ACOX2: variants seen among roughly 807,000 people sequenced by gnomAD.
ACOX2 encodes the protein peroxisomal acyl-coenzyme A oxidase 2.
Under a neutral mutation model 77.5 loss-of-function variants are expected in ACOX2, and 59 were observed. That is an observed-to-expected ratio of 0.76 (90% CI 0.62 to 0.95). ACOX2 has a LOEUF of 0.95. Among genes scored for constraint, ACOX2 ranks in the 40% least tolerant of loss-of-function variants. The pLI is 0.00. For synonymous variants in ACOX2, 317 were observed against 340.1 expected (o/e 0.93, Z 0.75); for missense variants, 837 against 880.4 (o/e 0.95, Z 0.62).
rs1247552034 is a variant in ACOX2 at position 58,535,038 on chromosome 3, C to T, written c.69G>A (p.Glu23=). 3 of 1,614,116 alleles carry T rather than the reference C, an allele frequency of 1.9e-6. No individual in the cohort carries two copies. The highest frequency in any genetic ancestry group is 3.3e-5 in the Admixed American group (2 of 60,008). The change falls in exon 2 of 15, where the codon GAG becomes GAA. Residue 23 remains glutamate (E), a synonymous_variant. Transcript: ENST00000302819. The surrounding 1 kb of genome is among the most constrained non-coding windows in gnomAD (Gnocchi z 4.8). ...CAAAGGACTGCATATACCTCTCGCT[C>T]TCTATGTCGGGGTGCATTTGCCTGC... ...TWSRQMHPDI[E]SERYMQSFDV... is the part of the protein sequence containing the mutation.
At chr3:58,527,389 A>T (rs2108004832) in intron 9 of ACOX2, among the ~76,000 whole-genome samples, 1 of 152,110 alleles carries the variant, frequency 6.6e-6, no homozygotes, top group Admixed American at 6.5e-5. Context: ...TACAAAAATT[A>T]GCTGGGCGTG....
rs937436499 is a variant in ACOX2, at chr3:58,514,907, T to A, written c.1850+2299A>T. Among the ~76,000 whole-genome samples, 5 of 152,262 alleles carry A rather than the reference T, an allele frequency of 3.3e-5. No individual in the cohort carries two copies. The highest frequency in any genetic ancestry group is 7.3e-5 in the Non-Finnish European group (5 of 68,044). On this transcript the variant is annotated intron_variant, in intron 13 of 14. Coordinates refer to ENST00000302819, the MANE Select transcript of ACOX2 (RefSeq NM_003500.4). This position sits in a 1 kb window ranked among gnomAD's most constrained non-coding sequence, Gnocchi z 4.3. The stretch of plus-strand genomic sequence containing the variant: ...CCTTGGGCTTGAACTGTGCAGTACT[T>A]AATTATGCTCTTAATAGTTTTCACC...
Position 58,519,427 on chromosome 3 carries a change from G to A in ACOX2, c.1633-2004C>T, listed in dbSNP as rs1179877452. On this transcript the variant is annotated intron_variant, in intron 12 of 14. Transcript: ENST00000302819. This position sits in a 1 kb window ranked among gnomAD's most constrained non-coding sequence, Gnocchi z 5.0. ...TTGGGGGTTCAAAGGAGTTCACCCAGGCGGACATGAGTTGGGGGAAAGGTC... is the reference window on the plus strand; with the variant it reads ...TTGGGGGTTCAAAGGAGTTCACCCAAGCGGACATGAGTTGGGGGAAAGGTC... Among the ~76,000 whole-genome samples the A allele has an allele frequency of 6.6e-6, 1 of 152,104 alleles. No homozygotes were observed. The highest frequency in any genetic ancestry group is 2.4e-5 in the African/African-American group (1 of 41,408).
Position 58,534,414 on chromosome 3 carries a change from A to G in ACOX2, c.269T>C (p.Ile90Thr), listed in dbSNP as rs148039928. The change falls in exon 3 of 15, where the codon ATA becomes ACA. Residue 90 changes from isoleucine (I) to threonine (T), a missense_variant. Transcript: ENST00000302819. The surrounding 1 kb of genome is among the most constrained non-coding windows in gnomAD (Gnocchi z 4.8). Reference protein sequence around the residue: ...AMRRAFHIRLIARRLGWLEDG... With the variant: ...AMRRAFHIRLTARRLGWLEDG... ...TTCTAACCAACCCAGGCGCCGAGCT[A>G]TCAACCGGATGTGGAATGCCCTCCG... 33 of 1,614,078 alleles carry G rather than the reference A, an allele frequency of 2.0e-5. No individual in the cohort carries two copies. Among genetic ancestry groups the G allele is most frequent in the Non-Finnish European group, 1.3e-5 (15 of 1,180,040 alleles).
chr3:58,524,366 C>G lies in ACOX2; in HGVS notation c.1526+60G>C. ...ATGTCCACCCAACCAATCCAAAGGC[C>G]CTAGTGTGGCATGGAGCCTGTGCCC... is the stretch of plus-strand genomic sequence containing the variant. On this transcript the variant is annotated intron_variant, in intron 11 of 14. Coordinates refer to ENST00000302819, the MANE Select transcript of ACOX2 (RefSeq NM_003500.4). The surrounding 1 kb of genome is among the most constrained non-coding windows in gnomAD (Gnocchi z 5.5). 1 of 1,574,748 alleles carries G rather than the reference C, an allele frequency of 6.4e-7. No individual in the cohort carries two copies. The highest frequency in any genetic ancestry group is 2.3e-5 in the East Asian group (1 of 44,228).
At position 58,514,333 on chromosome 3, in the gene ACOX2, G is replaced by A. The variant is rs879277657; in HGVS notation, c.1850+2873C>T. On this transcript the variant is annotated intron_variant, in intron 13 of 14. Coordinates refer to ENST00000302819, the MANE Select transcript of ACOX2 (RefSeq NM_003500.4). The surrounding 1 kb of genome is among the most constrained non-coding windows in gnomAD (Gnocchi z 4.3). Reference sequence around the variant, plus strand: ...CAGTCCATTCACTGATGTTTTAGTAGGGTTTCGGGAAAGAACAGAAGTAAA... The same window carrying A: ...CAGTCCATTCACTGATGTTTTAGTAAGGTTTCGGGAAAGAACAGAAGTAAA... Among the ~76,000 whole-genome samples, 12 of 152,132 alleles carry A rather than the reference G, an allele frequency of 7.9e-5. No individual in the cohort carries two copies. Among genetic ancestry groups the A allele is most frequent in the Non-Finnish European group, 1.5e-4 (10 of 68,038 alleles).
At chr3:58,509,759 C>T (rs1281796827) in intron 13 of ACOX2, among the ~76,000 whole-genome samples, 1 of 151,566 alleles carries the variant, frequency 6.6e-6, no homozygotes, top group Non-Finnish European at 1.5e-5. Flanking sequence ...GCGCCTGCCA[C>T]CATGCCTGGC....
chr3:58,523,440 C>T lies in ACOX2; in HGVS notation c.1527-839G>A, dbSNP rs1213441953. On this transcript the variant is annotated intron_variant, in intron 11 of 14. Transcript: ENST00000302819. This position sits in a 1 kb window ranked among gnomAD's most constrained non-coding sequence, Gnocchi z 5.3. ...AGAACAGTGCCTGCCATATTATAGG[C>T]AGTTAATAAATATTTTTGGAATAAA... 6.6e-6 allele frequency among the ~76,000 whole-genome samples: 1 copy of T among 152,154 alleles called. No individual in the cohort carries two copies. The highest frequency in any genetic ancestry group is 1.9e-4 in the East Asian group (1 of 5,194).
rs1434354208 is a variant in ACOX2 at position 58,530,495 on chromosome 3, G to A, written c.963C>T (p.Val321=). The part of the protein sequence containing the change: ...KACVIAMRYS[V]IRRQSRLRPS... ...GCCGGAGCCGGGATTGGCGGCGGAT[G>A]ACCGAGTAGCGCATGGCGATGACAC... Residue 321 remains valine (V), a synonymous_variant, in exon 8 of 15, where the codon GTC becomes GTT. Transcript: ENST00000302819. 6.2e-7 allele frequency: 1 copy of A among 1,614,054 alleles called. No individual in the cohort carries two copies. The highest frequency in any genetic ancestry group is 2.2e-5 in the East Asian group (1 of 44,898).
rs1439765713 is a variant in ACOX2, at chr3:58,524,606, C to T, written c.1347-1G>A. 1 of 1,613,574 alleles carries T rather than the reference C, an allele frequency of 6.2e-7. No individual in the cohort carries two copies. Among genetic ancestry groups the T allele is most frequent in the Non-Finnish European group, 8.5e-7 (1 of 1,179,950 alleles). On this transcript the variant is annotated splice_acceptor_variant, in intron 10 of 14. Coordinates refer to ENST00000302819, the MANE Select transcript of ACOX2 (RefSeq NM_003500.4). LOFTEE classifies it high-confidence loss of function. The surrounding 1 kb of genome is among the most constrained non-coding windows in gnomAD (Gnocchi z 5.5). The stretch of plus-strand genomic sequence containing the variant: ...CTGCAGGTAGCTCTTCACCAGGAAC[C>T]TGGGGGTTGGAAGAGGAGGCAGGTG...
rs192579853 is a variant in ACOX2, at chr3:58,521,654, C to A, written c.1632+842G>T. ...CTAGAATGAAACTGATCACTTTACCCCACCTCCAAACAAACTCAGCAAAGG... is the reference window on the plus strand; with the variant it reads ...CTAGAATGAAACTGATCACTTTACCACACCTCCAAACAAACTCAGCAAAGG... On this transcript the variant is annotated intron_variant, in intron 12 of 14. Coordinates refer to ENST00000302819, the MANE Select transcript of ACOX2 (RefSeq NM_003500.4). This position sits in a 1 kb window ranked among gnomAD's most constrained non-coding sequence, Gnocchi z 4.8. Among the ~76,000 whole-genome samples the A allele has an allele frequency of 1.3e-5, 2 of 152,332 alleles. No homozygotes were observed. The highest frequency in any genetic ancestry group is 3.9e-4 in the East Asian group (2 of 5,188).
In ACOX2 at chr3:58,529,164, T is replaced by C. The variant is rs2063418732; in HGVS notation, c.993-208A>G. ...ACTGCAGGAATACTGACACATTTGT[T>C]GGTGGGTACTGCCCCTTGTTAAGGG... On this transcript the variant is annotated intron_variant, in intron 8 of 14. Transcript: ENST00000302819. The C allele has an allele frequency of 8.4e-6, 4 of 475,894 alleles. No individual in the cohort carries two copies. In the East Asian group the frequency reaches 1.4e-4, roughly 17 times the overall value. 29.5% of individuals were successfully genotyped at this position (475,894 alleles called of 1,614,324 possible).
chr3:58,534,151 G>A lies in ACOX2; in HGVS notation c.324-6C>T. On this transcript the variant is annotated splice_region_variant and splice_polypyrimidine_tract_variant and intron_variant, in intron 3 of 14. Transcript: ENST00000302819. The surrounding 1 kb of genome is among the most constrained non-coding windows in gnomAD (Gnocchi z 4.8). ...CCACGTCTCCAGAAAGGGCTCTGTT[G>A]GGGAGAGATGCTGTAGTTGAGTAGC... 2 of 1,614,008 alleles carry A rather than the reference G, an allele frequency of 1.2e-6. No individual in the cohort carries two copies. The highest frequency in any genetic ancestry group is 1.7e-6 in the Non-Finnish European group (2 of 1,180,002).
Position 58,535,171 on chromosome 3 carries a change from C to T in ACOX2, c.-65G>A. On this transcript the variant is annotated 5_prime_UTR_variant, in exon 2 of 15. Coordinates refer to ENST00000302819, the MANE Select transcript of ACOX2 (RefSeq NM_003500.4). This position sits in a 1 kb window ranked among gnomAD's most constrained non-coding sequence, Gnocchi z 4.8. ...CCAACCCGGCTGCTCCGAGGGTCTG[C>T]TCTCAGCATTGGTCAGTGCAAAGAA... 5 of 1,599,890 alleles carry T rather than the reference C, an allele frequency of 3.1e-6. No individual in the cohort carries two copies. The highest frequency in any genetic ancestry group is 4.3e-6 in the Non-Finnish European group (5 of 1,168,444).
chr3:58,522,383 G>A lies in ACOX2; in HGVS notation c.1632+113C>T. The A allele has an allele frequency of 1.0e-5, 10 of 989,396 alleles. No homozygotes were observed. The highest frequency in any genetic ancestry group is 7.7e-5 in the East Asian group (3 of 39,106). The allele number at this position is 989,396 out of a possible 1,614,324, so 61.3% of individuals were successfully genotyped here. ...AAGCCTTGGAAGTGAAATGAGGGCA[G>A]CCGCCACTGAAGCAGAGTTGGGGAA... On this transcript the variant is annotated intron_variant, in intron 12 of 14. Coordinates refer to ENST00000302819, the MANE Select transcript of ACOX2 (RefSeq NM_003500.4). This position sits in a 1 kb window ranked among gnomAD's most constrained non-coding sequence, Gnocchi z 4.3.
rs2107998508 is a variant in ACOX2 at position 58,521,236 on chromosome 3, G to A, written c.1632+1260C>T. Among the ~76,000 whole-genome samples the A allele has an allele frequency of 6.6e-6, 1 of 152,294 alleles. No homozygotes were observed. The highest frequency in any genetic ancestry group is 2.1e-4 in the South Asian group (1 of 4,828). ...CATCACGTGTGGTGTGGTGGAGGTG[G>A]TGGGTCACGTGGTGGTGCTCAACGT... On this transcript the variant is annotated intron_variant, in intron 12 of 14. Transcript: ENST00000302819. This position sits in a 1 kb window ranked among gnomAD's most constrained non-coding sequence, Gnocchi z 4.8.
Position 58,524,286 on chromosome 3 carries a change from A to C in ACOX2, c.1526+140T>G. 9.2e-7 allele frequency: 1 copy of C among 1,090,958 alleles called. No individual in the cohort carries two copies. The highest frequency in any genetic ancestry group is 1.3e-6 in the Non-Finnish European group (1 of 779,886). 67.6% of individuals were successfully genotyped at this position (1,090,958 alleles called of 1,614,324 possible). On this transcript the variant is annotated intron_variant, in intron 11 of 14. Coordinates refer to ENST00000302819, the MANE Select transcript of ACOX2 (RefSeq NM_003500.4). This position sits in a 1 kb window ranked among gnomAD's most constrained non-coding sequence, Gnocchi z 5.5. ...CCTCTCTCTGCCCATGGTGGCAGGAACTGAGAGGACCGGGGAGGCTAGGCA... is the reference window on the plus strand; with the variant it reads ...CCTCTCTCTGCCCATGGTGGCAGGACCTGAGAGGACCGGGGAGGCTAGGCA...
At chr3:58,536,176 GC>G (rs1007605785) in intron 1 of ACOX2, among the ~76,000 whole-genome samples, 9 of 151,858 alleles carry the variant, frequency 5.9e-5, no homozygotes, top group Non-Finnish European at 1.3e-4. Flanking sequence ...CCTACCCTTT[GC>G]CCCTGCTGTT....
chr3:58,508,062 G>A (rs2107983478), intron 14 of ACOX2, among the ~76,000 whole-genome samples: 1 of 152,254 alleles, frequency 6.6e-6, no homozygotes, highest in Non-Finnish European at 1.5e-5. Context: ...TTTTTGTTTT[G>A]ATCATCTATG....
Sources: gnomAD v4.1 joint callset for allele counts (sites outside exome capture counted in the v4.1 genomes callset) on GRCh38, gnomAD v4.1.1 for gene constraint, Gnocchi (gnomAD v3.1) non-coding constraint, MANE v1.5 for transcripts, NCBI Gene and HGNC (gene_info 2026-07-23, HGNC 2026-07-21) for gene names.